CNTNAP2: variants seen among roughly 807,000 people sequenced by gnomAD.
The protein encoded by CNTNAP2 is contactin-associated protein-like 2.
Under a neutral mutation model 155.2 loss-of-function variants are expected in CNTNAP2, and 98 were observed. That is an observed-to-expected ratio of 0.63 (90% CI 0.54 to 0.75). The LOEUF is 0.75. CNTNAP2 is among the 30% of genes least tolerant of loss of function. CNTNAP2 has a pLI of 0.00. For synonymous variants in CNTNAP2, 651 were observed against 631.2 expected, an observed-to-expected ratio of 1.03 and a Z score of -0.47; for missense variants, 1,727 against 1,688.1, an observed-to-expected ratio of 1.02 and a Z score of -0.40.
At chr7:147,856,146 G>A (rs568010939) in intron 13 of CNTNAP2, among the ~76,000 whole-genome samples, 2 of 152,078 alleles carry the variant, frequency 1.3e-5, no homozygotes, top group East Asian at 1.9e-4. Flanking sequence ...TTCTTCAACC[G>A]GCCGACCCTG....
intron 13 of CNTNAP2, among the ~76,000 whole-genome samples, chr7:147,667,806 AATAATAAAAAAAATAAAATAAAAAAAT>A (rs1795721533): frequency 1.4e-5 from 2 of 140,644 alleles, no homozygotes; most frequent in Non-Finnish European, 3.1e-5. Flanking sequence ...AAAAAAAAAA[AATAATAAAAAAAATAAAATAAAAAAAT>A]AAAAGATACC....
chr7:148,380,385 G>T (rs1799028075), intron 21 of CNTNAP2, among the ~76,000 whole-genome samples: 1 of 152,106 alleles, frequency 6.6e-6, no homozygotes, highest in Non-Finnish European at 1.5e-5. Flanking sequence ...TAACTTTGTG[G>T]TGCTATCAAT....
chr7:146,526,214 A>G (rs801952), intron 1 of CNTNAP2, among the ~76,000 whole-genome samples: 68,078 of 151,992 alleles, frequency 0.45, 17,276 homozygotes, highest in African/African-American at 0.7. Context: ...TATGTGTATG[A>G]ACAACATATT....
intron 6 of CNTNAP2, among the ~76,000 whole-genome samples, chr7:147,125,486 C>T (rs560111556): frequency 2.1e-4 from 32 of 152,248 alleles, no homozygotes; most frequent in Non-Finnish European, 3.1e-4. Context: ...TTTTCCTCAG[C>T]GTAGTCAATA....
chr7:147,264,053 G>A (rs559446101), intron 8 of CNTNAP2, among the ~76,000 whole-genome samples: 88 of 152,276 alleles, frequency 5.8e-4, no homozygotes, highest in African/African-American at 1.3e-3. Flanking sequence ...TGTAAGCAAT[G>A]TGTTTGCTTT....
intron 3 of CNTNAP2, among the ~76,000 whole-genome samples, chr7:146,900,329 T>C (rs1795968339): frequency 6.6e-6 from 1 of 152,186 alleles, no homozygotes; most frequent in African/African-American, 2.4e-5. Context: ...CTTATTACGA[T>C]CCAACTCAAA....
intron 1 of CNTNAP2, among the ~76,000 whole-genome samples, chr7:146,200,896 C>CA (rs916281246): frequency 6.6e-6 from 1 of 152,046 alleles, no homozygotes; most frequent in Non-Finnish European, 1.5e-5. Context: ...TGAACAGAAC[C>CA]AAAAGAGACG....
chr7:148,040,292 T>A (rs79102393), intron 15 of CNTNAP2, among the ~76,000 whole-genome samples: 9 of 152,208 alleles, frequency 5.9e-5, no homozygotes, highest in Admixed American at 3.3e-4. Flanking sequence ...CTGAAAATAA[T>A]GTATGCTCAA....
intron 13 of CNTNAP2, among the ~76,000 whole-genome samples, chr7:147,743,746 G>T (rs1003826263): frequency 6.6e-6 from 1 of 150,938 alleles, no homozygotes; most frequent in African/African-American, 2.4e-5. Context: ...GTGTTTTAAC[G>T]TCAGTCCTCT....
At chr7:146,130,815 C>T (rs950804936) in intron 1 of CNTNAP2, among the ~76,000 whole-genome samples, 1 of 152,114 alleles carries the variant, frequency 6.6e-6, no homozygotes, top group Admixed American at 6.6e-5. Context: ...AGCAAAGGCA[C>T]GTCTTACATG....
At chr7:146,676,153 A>G (rs1373873099) in intron 1 of CNTNAP2, among the ~76,000 whole-genome samples, 2 of 152,196 alleles carry the variant, frequency 1.3e-5, no homozygotes, top group Non-Finnish European at 2.9e-5. Flanking sequence ...TATGAAATGT[A>G]TATCATAAAT....
intron 12 of CNTNAP2, among the ~76,000 whole-genome samples, chr7:147,577,368 C>G (rs575748470): frequency 1.3e-5 from 2 of 152,170 alleles, no homozygotes; most frequent in South Asian, 4.1e-4. Flanking sequence ...TGACATGACG[C>G]TAAGCACATT....
chr7:146,125,771 C>G (rs1221362446), intron 1 of CNTNAP2, among the ~76,000 whole-genome samples: 1 of 151,888 alleles, frequency 6.6e-6, no homozygotes, highest in South Asian at 2.1e-4. Flanking sequence ...GGAATTGATT[C>G]CAAAGACAGG....
intron 21 of CNTNAP2, among the ~76,000 whole-genome samples, chr7:148,334,913 A>T (rs538606984): frequency 5.3e-5 from 8 of 152,322 alleles, no homozygotes; most frequent in Middle Eastern, 3.4e-3. Context: ...TTTAGAGGGC[A>T]GTGTTTGCAG....
intron 1 of CNTNAP2, among the ~76,000 whole-genome samples, chr7:146,501,208 G>A (rs1016190040): frequency 1.3e-5 from 2 of 151,960 alleles, no homozygotes; most frequent in East Asian, 3.9e-4. Context: ...CATACTTTTG[G>A]TATGAAGGTA....
chr7:146,624,416 A>G (rs347222), intron 1 of CNTNAP2, among the ~76,000 whole-genome samples: 99,054 of 151,864 alleles, frequency 0.65, 33,726 homozygotes, highest in African/African-American at 0.82. Context: ...CTTGCACAAG[A>G]CATATAGTTG....
intron 8 of CNTNAP2, among the ~76,000 whole-genome samples, chr7:147,163,310 G>A (rs577306446): frequency 6.4e-4 from 97 of 152,200 alleles, no homozygotes; most frequent in African/African-American, 2.1e-3. Context: ...CTGAAAAATT[G>A]GAAACCAGTC....
rs80014821 is a variant in CNTNAP2, at chr7:147,836,624, A to G, written c.2099-66941A>G. Among the ~76,000 whole-genome samples the G allele has an allele frequency of 2.4e-4, 37 of 152,174 alleles. No homozygotes were observed. The East Asian group carries it at 6.2e-3, about 25-fold the overall frequency. On this transcript the variant is annotated intron_variant, in intron 13 of 23. Coordinates refer to ENST00000361727, the MANE Select transcript of CNTNAP2 (RefSeq NM_014141.6). ...TCATGATCATTGTTTGTAATTTTTC[A>G]TTTATATTTCTGGATTGTCTGTCTT...
intron 21 of CNTNAP2, among the ~76,000 whole-genome samples, chr7:148,334,112 T>A (rs921975551): frequency 6.6e-6 from 1 of 152,220 alleles, no homozygotes; most frequent in African/African-American, 2.4e-5. Flanking sequence ...ATGTTGTACA[T>A]CCCCATCCTA....
Sources: gnomAD v4.1 joint callset for allele counts (sites outside exome capture counted in the v4.1 genomes callset) on GRCh38, gnomAD v4.1.1 for gene constraint, MANE v1.5 for transcripts, NCBI Gene and HGNC (gene_info 2026-07-23, HGNC 2026-07-21) for gene names.